The following CRYBG3 variants were observed in gnomAD, a reference collection of about 807,000 sequenced individuals.
The protein encoded by CRYBG3 is crystallin beta-gamma domain containing 3.
Under a neutral mutation model 244.2 loss-of-function variants are expected in CRYBG3, and 127 were observed. The ratio of observed to expected loss-of-function variants is 0.52; its 90% CI spans 0.45 to 0.60. CRYBG3 has a LOEUF of 0.60. Among genes scored for constraint, CRYBG3 ranks in the 20% least tolerant of loss-of-function variants. CRYBG3 has a pLI of 0.00. For synonymous variants in CRYBG3, 1,132 were observed against 1,195.8 expected (o/e 0.95, Z 1.10); for missense variants, 3,325 against 3,442.5 (o/e 0.97, Z 0.85).
Position 97,900,475 on chromosome 3 carries a change from C to T in CRYBG3, c.7994C>T (p.Pro2665Leu), listed in dbSNP as rs1225521046. 3.9e-6 allele frequency: 6 copies of T among 1,554,248 alleles called. No individual in the cohort carries two copies. Among genetic ancestry groups the T allele is most frequent in the Non-Finnish European group, 4.4e-6 (5 of 1,128,146 alleles). The stretch of plus-strand genomic sequence containing the variant: ...CAGGAACCACTTGGGATAAATGAAC[C>T]TCCGCATTTGGTATGTTTAAAAATA... ...IQLEPLGINE[P>L]PHLLKAFSKP... Residue 2665 changes from proline (P) to leucine (L), a missense_variant, in exon 15 of 22, where the codon CCT becomes CTT. Physicochemically the swap from Pro to Leu is moderately conservative, Grantham distance 98. This residue lies in a region of CRYBG3 where 714 missense variants were observed against 803.6 expected (regional missense o/e 0.89). Coordinates refer to ENST00000389622, the MANE Select transcript of CRYBG3 (RefSeq NM_153605.4).
intron 17 of CRYBG3, among the ~76,000 whole-genome samples, chr3:97,929,103 T>C (rs976988405): frequency 6.6e-6 from 1 of 152,028 alleles, no homozygotes; most frequent in African/African-American, 2.4e-5. Flanking sequence ...GACAACTACA[T>C]CTTCCTTTTA....
At chr3:97,879,602 C>G in intron 4 of CRYBG3, 102 bp from the exon 5 acceptor site, 1 of 757,526 alleles carries the variant, frequency 1.3e-6, no homozygotes, top group Non-Finnish European at 2.2e-6. Context: ...TGATCACTAA[C>G]TAAATATGTG....
Position 97,944,406 on chromosome 3 carries a change from C to T in CRYBG3, c.*1092C>T, listed in dbSNP as rs1375390027. The T allele has an allele frequency of 6.6e-6, 1 of 152,052 alleles. No homozygotes were observed. Among genetic ancestry groups the T allele is most frequent in the Non-Finnish European group, 1.5e-5 (1 of 67,834 alleles). The allele number at this position is 152,052 out of a possible 1,614,324, so 9.4% of individuals were successfully genotyped here. A position where few individuals can be genotyped will look rare whatever the true frequency, so the allele number is the denominator to read the frequency against. ...AAATTACATTTTGACAACTTTTTTT[C>T]CTTTTATCCCCAACTTTTGCCAGAA... On this transcript the variant is annotated 3_prime_UTR_variant, in exon 22 of 22. Transcript: ENST00000389622.
intron 16 of CRYBG3, among the ~76,000 whole-genome samples, 181 bp from the exon 17 acceptor site, chr3:97,915,429 C>G (rs1241591458): frequency 3.9e-5 from 6 of 152,144 alleles, no homozygotes; most frequent in Non-Finnish European, 7.4e-5. Context: ...CCTGGCGCAT[C>G]ATAAGCAGTT....
intron 7 of CRYBG3, among the ~76,000 whole-genome samples, chr3:97,881,759 C>CTA (rs947231720): frequency 4.6e-5 from 7 of 151,388 alleles, no homozygotes; most frequent in Non-Finnish European, 1.0e-4. Context: ...ACATGATGTA[C>CTA]TATATATATA....
Position 97,877,444 on chromosome 3 carries a change from G to A in CRYBG3, c.6250G>A (p.Ala2084Thr), listed in dbSNP as rs373810065. ...EAKRYKIYPL[A>T]LSPIYEDDSS... ...CAAAAGGTACAAAATTTATCCTTTA[G>A]CATTGTCTCCCATTTATGAGGATGA... The change falls in exon 4 of 22, where the codon GCA becomes ACA. Residue 2084 changes from alanine to threonine, a missense_variant. By Grantham distance (58) the Ala-to-Thr change is moderately conservative (BLOSUM62 0). Transcript: ENST00000389622. The A allele has an allele frequency of 8.1e-6, 13 of 1,614,008 alleles. No individual in the cohort carries two copies. The highest frequency in any genetic ancestry group is 6.7e-5 in the African/African-American group (5 of 74,908).
chr3:97,915,011 C>A (rs868342927), intron 16 of CRYBG3, among the ~76,000 whole-genome samples: 28 of 152,074 alleles, frequency 1.8e-4, no homozygotes, highest in Non-Finnish European at 1.9e-4. Context: ...GGATTTATTT[C>A]TTTTTAAAAT....
chr3:97,826,721 G>T (rs1348895658), intron 1 of CRYBG3, among the ~76,000 whole-genome samples: 4 of 152,230 alleles, frequency 2.6e-5, no homozygotes, highest in Admixed American at 2.6e-4. Context: ...GCTGCTTTGT[G>T]TCTCATATGG....
chr3:97,913,966 A>G lies in CRYBG3; in HGVS notation c.8115-1644A>G, dbSNP rs548318513. Among the ~76,000 whole-genome samples the G allele has an allele frequency of 7.9e-5, 12 of 152,226 alleles. No homozygotes were observed. The South Asian group carries it at 1.7e-3, about 21-fold the overall frequency. ...TTTTTTTCCACCTGGTACACTACTC[A>G]TCTGCATTACCTGTGTGGTCTCCTG... On this transcript the variant is annotated intron_variant, in intron 16 of 21. Transcript: ENST00000389622.
Position 97,899,806 on chromosome 3 carries a change from A to G in CRYBG3, c.7971+543A>G, listed in dbSNP as rs147559168. Among the ~76,000 whole-genome samples, 22 of 152,354 alleles carry G rather than the reference A, an allele frequency of 1.4e-4. No homozygotes were observed. In the East Asian group the frequency reaches 4.0e-3, roughly 28 times the overall value. On this transcript the variant is annotated intron_variant, in intron 14 of 21. Coordinates refer to ENST00000389622, the MANE Select transcript of CRYBG3 (RefSeq NM_153605.4). ...GAATAATCTCCTTGTATGCAAATTC[A>G]TGAAGTTGTAGAAGAGTGTGGCCAG...
chr3:97,845,657 C>G (rs2108175109), intron 2 of CRYBG3, among the ~76,000 whole-genome samples: 1 of 152,268 alleles, frequency 6.6e-6, no homozygotes, highest in East Asian at 1.9e-4. Context: ...CCTTGAAAGG[C>G]TAAATTCCCT....
intron 1 of CRYBG3, among the ~76,000 whole-genome samples, chr3:97,838,751 T>C (rs1349128312): frequency 1.3e-5 from 2 of 152,102 alleles, no homozygotes; most frequent in Non-Finnish European, 2.9e-5. Flanking sequence ...TTGTTATAAT[T>C]TAATTTTAAG....
At chr3:97,907,923 T>C (rs1172476833) in intron 15 of CRYBG3, among the ~76,000 whole-genome samples, 2 of 151,920 alleles carry the variant, frequency 1.3e-5, no homozygotes, top group Non-Finnish European at 2.9e-5. Flanking sequence ...TTTGAATGCG[T>C]CCCAGAGATT....
Position 97,941,049 on chromosome 3 carries a change from A to ATAGT in CRYBG3, c.8506-96_8506-93dup, listed in dbSNP as rs552215411. ...TAAGAGTGAAACTGATATAACTAAG[A>ATAGT]TAGTTACCTCTCACTTTCCCTCCCA... is the stretch of plus-strand genomic sequence containing the variant. On this transcript the variant is annotated intron_variant, in intron 19 of 21. Coordinates refer to ENST00000389622, the MANE Select transcript of CRYBG3 (RefSeq NM_153605.4). 193 of 904,868 alleles carry ATAGT rather than the reference A, an allele frequency of 2.1e-4. No homozygotes were observed. In the African/African-American group the frequency reaches 2.9e-3, roughly 13 times the overall value. The allele number at this position is 904,868 out of a possible 1,614,324, so 56.1% of individuals were successfully genotyped here.
intron 2 of CRYBG3, among the ~76,000 whole-genome samples, chr3:97,844,427 C>T (rs1279631752): frequency 6.6e-6 from 1 of 152,120 alleles, no homozygotes; most frequent in Non-Finnish European, 1.5e-5. Context: ...AAAACTTGCC[C>T]TTGTGTTGTT....
At chr3:97,942,917 A>G (rs1233876706) in intron 21 of CRYBG3, 1 of 290,810 alleles carries the variant, frequency 3.4e-6, no homozygotes, top group Non-Finnish European at 6.2e-6. Flanking sequence ...TGTAGAAACA[A>G]AAACACAGTA....
In CRYBG3 at chr3:97,881,358, T is replaced by G. The variant is rs1341556599; in HGVS notation, c.7152+139T>G. 7.2e-6 allele frequency: 4 copies of G among 556,208 alleles called. No individual in the cohort carries two copies. The East Asian group carries it at 1.3e-4, about 18-fold the overall frequency. The allele number at this position is 556,208 out of a possible 1,614,324, so 34.5% of individuals were successfully genotyped here. A position where few individuals can be genotyped will look rare whatever the true frequency, so the allele number is the denominator to read the frequency against. On this transcript the variant is annotated intron_variant, in intron 7 of 21. Coordinates refer to ENST00000389622, the MANE Select transcript of CRYBG3 (RefSeq NM_153605.4). Reference sequence around the variant, plus strand: ...TCTTCATTACCATATTGATAATCTTTTGAATTTATGCAAATAGAGTGAATG... The same window carrying G: ...TCTTCATTACCATATTGATAATCTTGTGAATTTATGCAAATAGAGTGAATG...
At chr3:97,843,061 C>A in intron 1 of CRYBG3, 134 bp from the exon 2 acceptor site, 4 of 546,294 alleles carry the variant, frequency 7.3e-6, no homozygotes, top group Non-Finnish European at 6.4e-6. Flanking sequence ...TCAATATATC[C>A]TTGGTATAAC....
At chr3:97,915,408 C>T (rs2039916783) in intron 16 of CRYBG3, among the ~76,000 whole-genome samples, 1 of 152,054 alleles carries the variant, frequency 6.6e-6, no homozygotes, top group Admixed American at 6.6e-5. Flanking sequence ...TGTAAAGTGC[C>T]CAGCCTAATG....
Sources: gnomAD v4.1 joint callset for allele counts (sites outside exome capture counted in the v4.1 genomes callset) on GRCh38, gnomAD v4.1.1 for gene constraint, gnomAD v4.1.1 regional missense constraint, MANE v1.5 for transcripts, NCBI Gene and HGNC (gene_info 2026-07-23, HGNC 2026-07-21) for gene names.